The following PTPRN2 variants were observed in gnomAD, a reference collection of about 807,000 sequenced individuals.
PTPRN2 encodes receptor-type tyrosine-protein phosphatase N2.
In PTPRN2, 74 loss-of-function variants were observed where a neutral mutation model predicts 118.8. The ratio of observed to expected loss-of-function variants is 0.62; its 90% CI spans 0.52 to 0.76. The LOEUF (loss-of-function observed/expected upper bound fraction) is 0.76. Among genes scored for constraint, PTPRN2 ranks in the 30% least tolerant of loss-of-function variants. PTPRN2 has a pLI of 0.00. For missense variants in PTPRN2, 1,481 were observed against 1,394.4 expected, an observed-to-expected ratio of 1.06 and a Z score of -0.99; for synonymous variants, 641 against 608.0, an observed-to-expected ratio of 1.05 and a Z score of -0.80.
rs187136917 is a variant in PTPRN2 at position 158,494,668 on chromosome 7, T to C, written c.113-4883A>G. On this transcript the variant is annotated intron_variant, in intron 1 of 22. Coordinates refer to ENST00000389418, the MANE Select transcript of PTPRN2 (RefSeq NM_002847.5). ...AATGACCAAGGCCCTGGGATCCAAC[T>C]GCAAACAGGAAAGCATCTTCCCAGA... Among the ~76,000 whole-genome samples the C allele has an allele frequency of 1.2e-3, 176 of 152,246 alleles. 1 individual carries two copies. Among genetic ancestry groups the C allele is most frequent in the African/African-American group, 4.1e-3 (170 of 41,528 alleles).
At chr7:157,741,140 A>G (rs531385126) in intron 12 of PTPRN2, among the ~76,000 whole-genome samples, 23 of 152,320 alleles carry the variant, frequency 1.5e-4, no homozygotes, top group African/African-American at 5.5e-4. Context: ...CACAGGCTCC[A>G]TGACGGCAAA....
rs73515078 is a variant in PTPRN2 at position 157,622,878 on chromosome 7, G to A, written c.2197-1369C>T. Among the ~76,000 whole-genome samples the A allele has an allele frequency of 0.01, 1,537 of 152,258 alleles. 24 individuals carry two copies. The highest frequency in any genetic ancestry group is 0.035 in the African/African-American group (1,471 of 41,526). On this transcript the variant is annotated intron_variant, in intron 14 of 22. Transcript: ENST00000389418. This position sits in a 1 kb window ranked among gnomAD's most constrained non-coding sequence, Gnocchi z 5.3. ...AAGCCGCACCGACTGCCTGCTCCAC[G>A]CAGCGAACGCTTTTCCCCCACCACA...
At chr7:157,800,432 C>G (rs1004176889) in intron 12 of PTPRN2, among the ~76,000 whole-genome samples, 6 of 152,218 alleles carry the variant, frequency 3.9e-5, no homozygotes, top group African/African-American at 1.4e-4. Flanking sequence ...CCAGCTCCTA[C>G]AACAGTGTCT....
intron 12 of PTPRN2, among the ~76,000 whole-genome samples, chr7:157,804,505 A>C (rs77291546): frequency 0.019 from 2,885 of 151,324 alleles, 97 homozygotes; most frequent in South Asian, 0.12. Flanking sequence ...CCCAGCCAAA[A>C]AGCTCTAGAT....
intron 12 of PTPRN2, chr7:157,864,189 G>A (rs1377664416): frequency 6.6e-6 from 1 of 152,314 alleles, no homozygotes; most frequent in Non-Finnish European, 1.5e-5. Flanking sequence ...CACACAGGGT[G>A]TGAGTGCGTC....
intron 2 of PTPRN2, among the ~76,000 whole-genome samples, chr7:158,439,631 T>C (rs1816838190): frequency 6.6e-6 from 1 of 152,248 alleles, no homozygotes; most frequent in African/African-American, 2.4e-5. Flanking sequence ...TTCATGACCA[T>C]CTCTAATTCT....
chr7:158,313,718 A>G (rs1802063300), intron 3 of PTPRN2, among the ~76,000 whole-genome samples: 1 of 152,210 alleles, frequency 6.6e-6, no homozygotes, highest in African/African-American at 2.4e-5. Context: ...TCGGCACAAT[A>G]TTAATTTTCT....
chr7:158,533,373 G>T (rs907506646), intron 1 of PTPRN2, among the ~76,000 whole-genome samples: 5 of 152,218 alleles, frequency 3.3e-5, no homozygotes, highest in Non-Finnish European at 5.9e-5. Flanking sequence ...GCTCAGAAAT[G>T]GAGATTTCTA....
chr7:158,276,243 GTC>G (rs1563076943), intron 3 of PTPRN2, among the ~76,000 whole-genome samples: 36 of 32,170 alleles, frequency 1.1e-3, no homozygotes, highest in African/African-American at 2.4e-3. Flanking sequence ...CCACATCCCG[GTC>G]CTGGTAGCAC....
rs1298175666 is a variant in PTPRN2, at chr7:157,929,884, G to GGGTCGT, written c.1724-31148_1724-31147insACGACC. ...GCTTATTGTAATGAATCTGAAGGCA[G>GGGTCGT]CCCCCACCAACGCGCTGGCTGCCTT... On this transcript the variant is annotated intron_variant, in intron 11 of 22. Transcript: ENST00000389418. The surrounding 1 kb of genome is among the most constrained non-coding windows in gnomAD (Gnocchi z 4.4). 6.6e-6 allele frequency among the ~76,000 whole-genome samples: 1 copy of GGGTCGT among 152,016 alleles called. No homozygotes were observed. The highest frequency in any genetic ancestry group is 2.4e-5 in the African/African-American group (1 of 41,534).
chr7:157,638,170 GTT>G (rs1201092724), intron 14 of PTPRN2, among the ~76,000 whole-genome samples: 1 of 152,264 alleles, frequency 6.6e-6, no homozygotes, highest in African/African-American at 2.4e-5. Flanking sequence ...CTGAGACAAA[GTT>G]AATATCCAGC....
At position 157,861,246 on chromosome 7, in the gene PTPRN2, C is replaced by T. The variant is rs926207301; in HGVS notation, c.1788+37427G>A. ...GCTGAATTCCTGTACCTTTTACATACGTGAAGTCTATACAATAATGGAACC... is the reference window on the plus strand; with the variant it reads ...GCTGAATTCCTGTACCTTTTACATATGTGAAGTCTATACAATAATGGAACC... On this transcript the variant is annotated intron_variant, in intron 12 of 22. Coordinates refer to ENST00000389418, the MANE Select transcript of PTPRN2 (RefSeq NM_002847.5). This position sits in a 1 kb window ranked among gnomAD's most constrained non-coding sequence, Gnocchi z 5.8. Among the ~76,000 whole-genome samples the T allele has an allele frequency of 9.2e-5, 14 of 152,218 alleles. No individual in the cohort carries two copies. The highest frequency in any genetic ancestry group is 9.6e-5 in the African/African-American group (4 of 41,462).
chr7:158,462,274 G>C (rs1422447202), intron 2 of PTPRN2, among the ~76,000 whole-genome samples: 1 of 152,146 alleles, frequency 6.6e-6, no homozygotes, highest in Non-Finnish European at 1.5e-5. Flanking sequence ...CTCATACAGC[G>C]GGCTGATGCT....
chr7:158,079,425 T>A (rs1278643639), intron 11 of PTPRN2, among the ~76,000 whole-genome samples: 1 of 152,220 alleles, frequency 6.6e-6, no homozygotes, highest in Non-Finnish European at 1.5e-5. Context: ...TTGAAATGAC[T>A]GAGAAACTAG....
At chr7:157,776,323 T>G in intron 12 of PTPRN2, among the ~76,000 whole-genome samples, 1 of 130,772 alleles carries the variant, frequency 7.6e-6, no homozygotes, top group African/African-American at 3.1e-5. Flanking sequence ...CTCCCTCTCC[T>G]CCTCCTCCAT....
At chr7:157,997,361 C>T (rs908098558) in intron 11 of PTPRN2, among the ~76,000 whole-genome samples, 1 of 152,276 alleles carries the variant, frequency 6.6e-6, no homozygotes, top group African/African-American at 2.4e-5. Flanking sequence ...GCAGTTCCTG[C>T]CTGTCCTGGG....
chr7:157,819,748 A>G lies in PTPRN2; in HGVS notation c.1788+78925T>C, dbSNP rs939652332. ...ATGGGATCCCTCTGCACGCCCCATC[A>G]CCCGCCCACCCACTGCCAGCCATGG... On this transcript the variant is annotated intron_variant, in intron 12 of 22. Coordinates refer to ENST00000389418, the MANE Select transcript of PTPRN2 (RefSeq NM_002847.5). Among the ~76,000 whole-genome samples, 12 of 151,758 alleles carry G rather than the reference A, an allele frequency of 7.9e-5. No homozygotes were observed. The East Asian group carries it at 2.1e-3, about 27-fold the overall frequency.
intron 4 of PTPRN2, among the ~76,000 whole-genome samples, chr7:158,194,543 G>A (rs982167575): frequency 4.6e-5 from 7 of 152,178 alleles, no homozygotes; most frequent in African/African-American, 1.2e-4. Flanking sequence ...CGGTCCAGAC[G>A]CCACAGGCCC....
chr7:158,369,257 A>ATG (rs1300436136), intron 2 of PTPRN2, among the ~76,000 whole-genome samples: 7 of 36,570 alleles, frequency 1.9e-4, no homozygotes, highest in African/African-American at 3.2e-4. Flanking sequence ...CTTTATATAT[A>ATG]TATACACACA....
Sources: allele counts gnomAD v4.1 joint callset (sites outside exome capture counted in the v4.1 genomes callset), GRCh38; gene constraint gnomAD v4.1.1; non-coding constraint Gnocchi (gnomAD v3.1); transcripts MANE v1.5; gene names NCBI Gene and HGNC (gene_info 2026-07-23, HGNC 2026-07-21).